The following HACE1 variants were observed in gnomAD, a reference collection of about 807,000 sequenced individuals.
HACE1 encodes the protein E3 ubiquitin-protein ligase HACE1.
A neutral mutation model predicts 118.4 loss-of-function variants in HACE1; 73 were observed. The observed-to-expected ratio is 0.62, with a 90% confidence interval of 0.51 to 0.75. HACE1 has a LOEUF of 0.75. Ranked by LOEUF, HACE1 falls within the 30% of genes least tolerant of loss-of-function variation. HACE1 has a pLI of 0.00. For missense variants in HACE1, 749 were observed against 1,102.2 expected, an observed-to-expected ratio of 0.68 and a Z score of 4.54; for synonymous variants, 368 against 374.8, an observed-to-expected ratio of 0.98 and a Z score of 0.21.
intron 4 of HACE1, 82 bp downstream of exon 4, chr6:104,849,060 G>A (rs781424992): frequency 9.6e-5 from 77 of 802,818 alleles, no homozygotes; most frequent in Non-Finnish European, 1.6e-4. Context: ...TCAGGGATGC[G>A]GGAGGAATCA....
chr6:104,734,159 A>G (rs968078148), intron 22 of HACE1, among the ~76,000 whole-genome samples: 7 of 151,736 alleles, frequency 4.6e-5, no homozygotes, highest in East Asian at 1.9e-4. Context: ...AAAAAAAAAA[A>G]AAAGAAATCA....
In HACE1 at chr6:104,777,233, C is replaced by T; in HGVS notation, c.1651G>A (p.Glu551Lys). Residue 551 changes from glutamate to lysine, a missense_variant, in exon 15 of 24, where the codon GAA becomes AAA. Glu to Lys is a moderately conservative substitution (Grantham distance 56, BLOSUM62 1). This residue lies in a region of HACE1 where 195 missense variants were observed against 322.1 expected (regional missense o/e 0.61). Transcript: ENST00000262903. The stretch of plus-strand genomic sequence containing the variant: ...CTGTGAACCAGCAGGATATCATTTT[C>T]ATTCACTGGCCTGTGCACCATATCT... ...DSDMVHRPVNENDILLVHRDS... is the reference protein window; with the variant it reads ...DSDMVHRPVNKNDILLVHRDS... 6.2e-7 allele frequency: 1 copy of T among 1,612,900 alleles called. No individual in the cohort carries two copies. The highest frequency in any genetic ancestry group is 8.5e-7 in the Non-Finnish European group (1 of 1,178,866).
chr6:104,777,957 C>T (rs892240120), intron 14 of HACE1, among the ~76,000 whole-genome samples: 3 of 152,082 alleles, frequency 2.0e-5, no homozygotes, highest in Admixed American at 6.5e-5. Flanking sequence ...AGAGGTTTCA[C>T]CATGTTAGCC....
At chr6:104,771,492 A>G (rs1780593752) in intron 18 of HACE1, 103 bp from the exon 19 acceptor site, 2 of 714,944 alleles carry the variant, frequency 2.8e-6, no homozygotes, top group Non-Finnish European at 5.0e-6. Flanking sequence ...AAACTGCAAA[A>G]TATAATACAA....
chr6:104,842,949 T>C (rs1226760109), intron 5 of HACE1, among the ~76,000 whole-genome samples: 1 of 152,064 alleles, frequency 6.6e-6, no homozygotes, highest in Non-Finnish European at 1.5e-5. Flanking sequence ...CCACCTCTAC[T>C]AAAAACATAA....
Position 104,796,700 on chromosome 6 carries a change from C to T in HACE1, c.771G>A (p.Gln257=). ...CATTCTGTGTCATTTGAATAATAGT[C>T]TGAAAAAGCCTCGGGTGATATTGAA... ...VLIQYHPRLF[Q]TIIQMTQNED... Residue 257 remains glutamine, a synonymous_variant, in exon 9 of 24, where the codon CAG becomes CAA. Coordinates refer to ENST00000262903, the MANE Select transcript of HACE1 (RefSeq NM_020771.4). 6.3e-7 allele frequency: 1 copy of T among 1,592,898 alleles called. No individual in the cohort carries two copies. Among genetic ancestry groups the T allele is most frequent in the Non-Finnish European group, 8.6e-7 (1 of 1,161,608 alleles).
intron 6 of HACE1, 54 bp from the exon 7 acceptor site, chr6:104,811,447 C>T: frequency 1.2e-6 from 1 of 831,392 alleles, no homozygotes. Context: ...ACAAAAGATA[C>T]AATTACCACA....
At chr6:104,789,374 T>C (rs1782764455) in intron 11 of HACE1, among the ~76,000 whole-genome samples, 1 of 152,116 alleles carries the variant, frequency 6.6e-6, no homozygotes, top group African/African-American at 2.4e-5. Context: ...GAAATAGTAG[T>C]TGTCAATGCT....
chr6:104,810,791 A>C (rs550392050), intron 7 of HACE1, among the ~76,000 whole-genome samples: 1 of 152,214 alleles, frequency 6.6e-6, no homozygotes, highest in Non-Finnish European at 1.5e-5. Context: ...AAAATAACTT[A>C]ATGTATAACA....
intron 19 of HACE1, among the ~76,000 whole-genome samples, chr6:104,769,346 C>A (rs1780372708): frequency 6.6e-6 from 1 of 152,118 alleles, no homozygotes; most frequent in South Asian, 2.1e-4. Flanking sequence ...TCATATATAT[C>A]TGAAAGGAGT....
chr6:104,787,662 C>G (rs1187174121), intron 11 of HACE1, among the ~76,000 whole-genome samples: 3 of 152,058 alleles, frequency 2.0e-5, no homozygotes, highest in Non-Finnish European at 4.4e-5. Context: ...AGGCCTAACG[C>G]AAGAAATGAC....
intron 19 of HACE1, among the ~76,000 whole-genome samples, chr6:104,759,798 A>G (rs9499957): frequency 0.21 from 31,675 of 151,996 alleles, 4,003 homozygotes; most frequent in African/African-American, 0.37. Flanking sequence ...ATAGATACAC[A>G]GCTAGCAAGA....
intron 8 of HACE1, 49 bp downstream of exon 8, chr6:104,796,880 A>C: frequency 8.5e-7 from 1 of 1,171,374 alleles, no homozygotes; most frequent in Non-Finnish European, 1.3e-6. Flanking sequence ...TTACCATTCC[A>C]GTTTCTATTA....
intron 5 of HACE1, among the ~76,000 whole-genome samples, chr6:104,838,020 C>G (rs75777174): frequency 0.038 from 5,793 of 151,942 alleles, 360 homozygotes; most frequent in African/African-American, 0.13. Context: ...TGAAAGATGT[C>G]TAAAAGAAAA....
At chr6:104,834,793 G>A (rs1441949477) in intron 5 of HACE1, among the ~76,000 whole-genome samples, 4 of 152,144 alleles carry the variant, frequency 2.6e-5, no homozygotes, top group Admixed American at 2.0e-4. Context: ...AAAGGCTCAA[G>A]AATCAATAGT....
intron 19 of HACE1, among the ~76,000 whole-genome samples, chr6:104,767,677 T>G (rs1195632739): frequency 6.6e-6 from 1 of 152,180 alleles, no homozygotes; most frequent in Non-Finnish European, 1.5e-5. Flanking sequence ...CCACATCATC[T>G]TTTTCTACTT....
intron 19 of HACE1, among the ~76,000 whole-genome samples, chr6:104,757,164 C>T (rs1778810693): frequency 6.6e-6 from 1 of 152,186 alleles, no homozygotes; most frequent in African/African-American, 2.4e-5. Flanking sequence ...CAGCAGACAG[C>T]TTCTCCAGAC....
At chr6:104,740,420 G>A (rs1453231138) in intron 22 of HACE1, among the ~76,000 whole-genome samples, 3 of 151,734 alleles carry the variant, frequency 2.0e-5, no homozygotes, top group Non-Finnish European at 4.4e-5. Context: ...TAGACCGCTA[G>A]CAAGACTAAA....
Position 104,744,222 on chromosome 6 carries a change from C to G in HACE1, c.2451G>C (p.Trp817Cys). The G allele has an allele frequency of 6.3e-7, 1 of 1,591,142 alleles. No individual in the cohort carries two copies. The highest frequency in any genetic ancestry group is 8.6e-7 in the Non-Finnish European group (1 of 1,165,906). ...CTTGAGTAATGTCTTCTACAACTTC[C>G]CAGAACCACTAACAACAAGAACAAA... Reference protein sequence around the residue: ...EREDPVIQWFWEVVEDITQEE... With the variant: ...EREDPVIQWFCEVVEDITQEE... Residue 817 changes from tryptophan (W) to cysteine (C), a missense_variant, in exon 22 of 24, where the codon TGG (tryptophan) becomes TGC (cysteine). Trp to Cys is a radical substitution (Grantham distance 215). This residue lies in a region of HACE1 where 165 missense variants were observed against 229.9 expected (regional missense o/e 0.72). Transcript: ENST00000262903.
Sources: allele counts gnomAD v4.1 joint callset (sites outside exome capture counted in the v4.1 genomes callset), GRCh38; gene constraint gnomAD v4.1.1; regional missense constraint gnomAD v4.1.1; transcripts MANE v1.5; gene names NCBI Gene and HGNC (gene_info 2026-07-23, HGNC 2026-07-21).